PCDHGB2: variants seen among roughly 807,000 people sequenced by gnomAD.
PCDHGB2 encodes the protein protocadherin gamma subfamily B, 2, also known as protocadherin gamma-B2.
In PCDHGB2, 55 loss-of-function variants were observed where a neutral mutation model predicts 59.3. The ratio of observed to expected loss-of-function variants is 0.93; its 90% confidence interval spans 0.75 to 1.16. The LOEUF is 1.16. PCDHGB2 is among the 50% of genes most tolerant of loss of function. The probability of loss-of-function intolerance (pLI) is 0.00; values close to 1 mark genes in which losing one functional copy is unlikely to be tolerated. For missense variants in PCDHGB2, 1,228 were observed against 1,198.5 expected (o/e 1.02, Z -0.36); for synonymous variants, 516 against 512.0 (o/e 1.01, Z -0.11).
chr5:141,482,591 A>G lies in PCDHGB2; in HGVS notation c.2422-12216A>G, dbSNP rs115650612. Among the ~76,000 whole-genome samples the G allele has an allele frequency of 6.3e-4, 95 of 151,838 alleles. 1 individual carries two copies. The highest frequency in any genetic ancestry group is 2.3e-3 in the African/African-American group (95 of 41,350). On this transcript the variant is annotated intron_variant, in intron 1 of 3. Coordinates refer to ENST00000522605, the MANE Select transcript of PCDHGB2 (RefSeq NM_018923.3). ...ATAGCATAAGATGCAGTGGGACCAA[A>G]CGGGAAAAAACACCTAAATGAGCCT...
rs761905572 is a variant in PCDHGB2 at position 141,486,493 on chromosome 5, T to A, written c.2422-8314T>A. The A allele has an allele frequency of 2.5e-6, 4 of 1,614,136 alleles. No homozygotes were observed. The highest frequency in any genetic ancestry group is 1.7e-4 in the Middle Eastern group (1 of 6,060). On this transcript the variant is annotated intron_variant, in intron 1 of 3. Transcript: ENST00000522605. This position sits in a 1 kb window ranked among gnomAD's most constrained non-coding sequence, Gnocchi z 5.0. ...ACCCTCCTCTCAGTACCCACAGAAC[T>A]ATTTTCCTCAATATTTCAGATGTGA... is the stretch of plus-strand genomic sequence containing the variant.
intron 1 of PCDHGB2, chr5:141,402,911 C>T: frequency 1.3e-6 from 2 of 1,551,976 alleles, no homozygotes; most frequent in South Asian, 1.2e-5. Context: ...TGAAGCAGCG[C>T]GCACAGAGAT....
chr5:141,437,892 C>A (rs2097916583), intron 1 of PCDHGB2, among the ~76,000 whole-genome samples: 2 of 152,116 alleles, frequency 1.3e-5, no homozygotes, highest in Admixed American at 1.3e-4. Context: ...CACACGCCAC[C>A]ACACCCAGCT....
At chr5:141,371,741 T>TC (rs1767992847) in intron 1 of PCDHGB2, 2 of 1,614,004 alleles carry the variant, frequency 1.2e-6, no homozygotes, top group South Asian at 2.2e-5. Context: ...ACGACAACGT[T>TC]CCCGTTTTCC....
intron 1 of PCDHGB2, chr5:141,364,958 C>T: frequency 1.2e-6 from 2 of 1,613,958 alleles, no homozygotes; most frequent in South Asian, 1.1e-5. Flanking sequence ...TGTTCACGAC[C>T]TCCTCCTCAC....
Position 141,432,938 on chromosome 5 carries a change from G to C in PCDHGB2, c.2422-61869G>C. ...CTGGCACAAGTCACGCCTGCTGCAG[G>C]CTTCAGGAGGCGGCTTGACAGGAGC... On this transcript the variant is annotated intron_variant, in intron 1 of 3. Transcript: ENST00000522605. The surrounding 1 kb of genome is among the most constrained non-coding windows in gnomAD (Gnocchi z 6.0). 2 of 1,614,192 alleles carry C rather than the reference G, an allele frequency of 1.2e-6. No homozygotes were observed. Among genetic ancestry groups the C allele is most frequent in the South Asian group, 2.2e-5 (2 of 91,086 alleles).
intron 1 of PCDHGB2, among the ~76,000 whole-genome samples, chr5:141,397,572 C>T (rs374731219): frequency 1.8e-4 from 27 of 152,196 alleles, no homozygotes; most frequent in Middle Eastern, 3.4e-3. Context: ...AGAGCAAGAA[C>T]TGTATCATAT....
In PCDHGB2 at chr5:141,384,908, A is replaced by C. The variant is rs868472813; in HGVS notation, c.2421+22352A>C. 24 of 1,613,860 alleles carry C rather than the reference A, an allele frequency of 1.5e-5. 1 individual carries two copies. The highest frequency in any genetic ancestry group is 9.9e-5 in the South Asian group (9 of 91,086). ...GTGGCTGTGGCTGACAGCATCCCCG[A>C]AGTCTTGGCCGACCTGGGCAGCCTT... On this transcript the variant is annotated intron_variant, in intron 1 of 3. Coordinates refer to ENST00000522605, the MANE Select transcript of PCDHGB2 (RefSeq NM_018923.3).
At chr5:141,498,971 G>GGAAGGAA (rs2099787559) in intron 2 of PCDHGB2, among the ~76,000 whole-genome samples, 2 of 111,052 alleles carry the variant, frequency 1.8e-5, no homozygotes, top group African/African-American at 7.2e-5. Context: ...GAGGGAGGGA[G>GGAAGGAA]GGAAGGAAGG....
chr5:141,379,652 T>C (rs905079980), intron 1 of PCDHGB2: 2 of 152,132 alleles, frequency 1.3e-5, no homozygotes, highest in Non-Finnish European at 2.9e-5. Flanking sequence ...ACTACCAACT[T>C]CTACTCTCAC....
intron 1 of PCDHGB2, chr5:141,441,162 G>T (rs1009205566): frequency 6.6e-6 from 1 of 152,166 alleles, no homozygotes; most frequent in African/African-American, 2.4e-5. Context: ...TCCTAGAGGC[G>T]ATTTTTACTT....
chr5:141,393,927 C>T, intron 1 of PCDHGB2: 2 of 1,613,970 alleles, frequency 1.2e-6, no homozygotes, highest in South Asian at 1.1e-5. Context: ...CTTGAGTGTG[C>T]ATGACCAAGA....
chr5:141,462,009 G>A (rs2099028674), intron 1 of PCDHGB2, among the ~76,000 whole-genome samples: 1 of 152,190 alleles, frequency 6.6e-6, no homozygotes, highest in Admixed American at 6.5e-5. Context: ...TTTTAATAGA[G>A]ACGGGGTTTC....
In PCDHGB2 at chr5:141,485,109, C is replaced by A; in HGVS notation, c.2422-9698C>A. ...AGATAGGTGTCTCCAGCTGCTGTGG[C>A]TGTTTGGGGCGGGTCGGCTTCATCC... On this transcript the variant is annotated intron_variant, in intron 1 of 3. Transcript: ENST00000522605. This position sits in a 1 kb window ranked among gnomAD's most constrained non-coding sequence, Gnocchi z 5.7. The A allele has an allele frequency of 1.6e-6, 2 of 1,230,962 alleles. No individual in the cohort carries two copies. The highest frequency in any genetic ancestry group is 2.4e-6 in the Non-Finnish European group (2 of 850,024). The allele number at this position is 1,230,962 out of a possible 1,614,324, so 76.3% of individuals were successfully genotyped here.
At chr5:141,372,708 G>T in intron 1 of PCDHGB2, 1 of 1,613,898 alleles carries the variant, frequency 6.2e-7, no homozygotes, top group Non-Finnish European at 8.5e-7. Context: ...CAATATAAAG[G>T]CTGAAAATGC....
intron 1 of PCDHGB2, chr5:141,375,627 A>T (rs1561569034): frequency 6.2e-7 from 1 of 1,614,066 alleles, no homozygotes; most frequent in Non-Finnish European, 8.5e-7. Flanking sequence ...GGGATTCTGT[A>T]CGCCCTGCGC....
At chr5:141,386,384 A>G (rs1033532471) in intron 1 of PCDHGB2, among the ~76,000 whole-genome samples, 6 of 152,220 alleles carry the variant, frequency 3.9e-5, no homozygotes, top group Non-Finnish European at 8.8e-5. Flanking sequence ...TATTAATTAA[A>G]AACACACTTT....
Position 141,485,818 on chromosome 5 carries a change from C to A in PCDHGB2, c.2422-8989C>A, listed in dbSNP as rs757848513. The A allele has an allele frequency of 1.2e-6, 2 of 1,613,910 alleles. No individual in the cohort carries two copies. The highest frequency in any genetic ancestry group is 1.7e-6 in the Non-Finnish European group (2 of 1,179,974). On this transcript the variant is annotated intron_variant, in intron 1 of 3. Transcript: ENST00000522605. The surrounding 1 kb of genome is among the most constrained non-coding windows in gnomAD (Gnocchi z 5.7). ...ACTACCGCCTGGTGCTGACTGCTGT[C>A]GATGGAGGGAACCCGCCGAGATCTG...
intron 1 of PCDHGB2, chr5:141,403,607 G>T: frequency 6.2e-7 from 1 of 1,613,858 alleles, no homozygotes; most frequent in Non-Finnish European, 8.5e-7. Flanking sequence ...GGATGGCGGC[G>T]AGCCGCGTCG....
Sources: allele counts gnomAD v4.1 joint callset (sites outside exome capture counted in the v4.1 genomes callset), GRCh38; gene constraint gnomAD v4.1.1; non-coding constraint Gnocchi (gnomAD v3.1); transcripts MANE v1.5; gene names NCBI Gene and HGNC (gene_info 2026-07-23, HGNC 2026-07-21).